Variants in EBF3 observed in about 807,000 individuals in gnomAD.
The protein encoded by EBF3 is transcription factor COE3.
A neutral mutation model predicts 77.1 loss-of-function variants in EBF3; 18 were observed. The observed-to-expected ratio is 0.23, with a 90% CI of 0.16 to 0.35. The LOEUF (loss-of-function observed/expected upper bound fraction) is 0.35, where lower values mean the gene tolerates loss of function less well. EBF3 is among the 10% of genes least tolerant of loss of function. EBF3 has a pLI of 1.00. For missense variants in EBF3, 558 were observed against 860.0 expected, an observed-to-expected ratio of 0.65 and a Z score of 4.39; for synonymous variants, 350 against 343.5, an observed-to-expected ratio of 1.02 and a Z score of -0.21.
rs1206012515 is a variant in EBF3, at chr10:129,885,554, GTTC to G, written c.555-7708_555-7706del. Among the ~76,000 whole-genome samples, 2 of 152,122 alleles carry G rather than the reference GTTC, an allele frequency of 1.3e-5. 1 individual carries two copies. The highest frequency in any genetic ancestry group is 3.9e-4 in the East Asian group (2 of 5,186). On this transcript the variant is annotated intron_variant, in intron 6 of 16. Transcript: ENST00000440978. The surrounding 1 kb of genome is among the most constrained non-coding windows in gnomAD (Gnocchi z 4.0). ...TGAAGTGCACTATATTTACACTAGG[GTTC>G]TTGTTTCAAGTGCCTATCTTTCTTT... is the stretch of plus-strand genomic sequence containing the variant.
Position 129,963,218 on chromosome 10 carries a change from C to A in EBF3, c.291+149G>T. 8.2e-7 allele frequency: 1 copy of A among 1,225,258 alleles called. No individual in the cohort carries two copies. The highest frequency in any genetic ancestry group is 1.1e-6 in the Non-Finnish European group (1 of 927,858). 75.9% of individuals were successfully genotyped at this position (1,225,258 alleles called of 1,614,324 possible). A position where few individuals can be genotyped will look rare whatever the true frequency, so the allele number is the denominator to read the frequency against. The stretch of plus-strand genomic sequence containing the variant: ...CGCAGAGAAGTTGCCCAGCCCTCGG[C>A]GGTCCCGGGCGGCCGCACGTGGCGG... On this transcript the variant is annotated intron_variant, in intron 2 of 16. Coordinates refer to ENST00000440978, the MANE Select transcript of EBF3 (RefSeq NM_001375380.1). The surrounding 1 kb of genome is among the most constrained non-coding windows in gnomAD (Gnocchi z 7.1).
rs539206999 is a variant in EBF3 at position 129,855,018 on chromosome 10, T to A, written c.1040-6538A>T. The stretch of plus-strand genomic sequence containing the variant: ...GTGGCTTTTCTAGCATCCTGGCCGC[T>A]CCCGTCCGTGGAGCTCCCCAGTGCC... On this transcript the variant is annotated intron_variant, in intron 10 of 16. Coordinates refer to ENST00000440978, the MANE Select transcript of EBF3 (RefSeq NM_001375380.1). Among the ~76,000 whole-genome samples the A allele has an allele frequency of 5.9e-5, 9 of 152,252 alleles. No individual in the cohort carries two copies. The East Asian group carries it at 1.7e-3, about 29-fold the overall frequency.
intron 6 of EBF3, among the ~76,000 whole-genome samples, chr10:129,955,611 T>A (rs1222944859): frequency 2.0e-5 from 3 of 152,076 alleles, no homozygotes; most frequent in Non-Finnish European, 4.4e-5. Context: ...GAACACTGAG[T>A]ATTAAAAGTT....
Position 129,836,131 on chromosome 10 carries a change from T to C in EBF3, c.*1812A>G, listed in dbSNP as rs1219225419. ...CGGGCTTGTGCTTTTTTGTGTGTGT[T>C]TGTGTGTTTTACACCATACATCTCC... On this transcript the variant is annotated 3_prime_UTR_variant, in exon 17 of 17. Transcript: ENST00000440978. 1 of 152,628 alleles carries C rather than the reference T, an allele frequency of 6.6e-6. No homozygotes were observed. Among genetic ancestry groups the C allele is most frequent in the South Asian group, 2.1e-4 (1 of 4,818 alleles). The allele number at this position is 152,628 out of a possible 1,614,324, so 9.5% of individuals were successfully genotyped here.
At chr10:129,930,102 C>T (rs1856905979) in intron 6 of EBF3, among the ~76,000 whole-genome samples, 1 of 152,174 alleles carries the variant, frequency 6.6e-6, no homozygotes, top group Non-Finnish European at 1.5e-5. Context: ...AGGCTCCAGG[C>T]CTTTGCACTC....
intron 7 of EBF3, among the ~76,000 whole-genome samples, chr10:129,877,439 C>T (rs997300926): frequency 6.9e-6 from 1 of 144,204 alleles, no homozygotes; most frequent in Non-Finnish European, 1.5e-5. Flanking sequence ...CAAGATCGCA[C>T]CACTGCACTC....
At chr10:129,857,400 C>G (rs1333399526) in intron 10 of EBF3, among the ~76,000 whole-genome samples, 1 of 152,140 alleles carries the variant, frequency 6.6e-6, no homozygotes. Context: ...GGCCTCCCCC[C>G]TCACAGCCCC....
intron 6 of EBF3, among the ~76,000 whole-genome samples, chr10:129,904,514 C>T (rs1043873879): frequency 6.6e-6 from 1 of 151,126 alleles, no homozygotes; most frequent in Admixed American, 6.6e-5. Flanking sequence ...AATGGATAGA[C>T]AAGTGCACAT....
chr10:129,917,871 C>A (rs1312230429), intron 6 of EBF3, among the ~76,000 whole-genome samples: 1 of 152,090 alleles, frequency 6.6e-6, no homozygotes, highest in East Asian at 1.9e-4. Flanking sequence ...GGTAAGGAAG[C>A]TACTAACAGT....
At chr10:129,882,137 T>A (rs1191524120) in intron 6 of EBF3, among the ~76,000 whole-genome samples, 1 of 152,280 alleles carries the variant, frequency 6.6e-6, no homozygotes, top group African/African-American at 2.4e-5. Context: ...TATGAATTAG[T>A]TCATTTATAT....
At chr10:129,876,329 G>T (rs759598015) in intron 7 of EBF3, among the ~76,000 whole-genome samples, 1 of 152,164 alleles carries the variant, frequency 6.6e-6, no homozygotes, top group Admixed American at 6.5e-5. Context: ...TGTAACTGAC[G>T]CTGTGTTCAG....
intron 12 of EBF3, 23 bp downstream of exon 12, chr10:129,843,114 G>A (rs764664435): frequency 9.9e-6 from 16 of 1,609,166 alleles, no homozygotes; most frequent in East Asian, 2.2e-5. Flanking sequence ...GAGGATGGGC[G>A]AGGGGAGCCG....
chr10:129,899,371 G>C (rs569071654), intron 6 of EBF3, among the ~76,000 whole-genome samples: 2 of 152,318 alleles, frequency 1.3e-5, no homozygotes, highest in East Asian at 3.9e-4. Context: ...GTCGGATGGT[G>C]AGGAACATAA....
chr10:129,887,058 G>GA (rs1554907250), intron 6 of EBF3, among the ~76,000 whole-genome samples: 1 of 100,322 alleles, frequency 1.0e-5, no homozygotes, highest in African/African-American at 3.8e-5. Flanking sequence ...TGTGGGCGGG[G>GA]GGGGGGGGGA....
intron 4 of EBF3, among the ~76,000 whole-genome samples, chr10:129,959,589 G>A (rs1589964384): frequency 6.6e-6 from 1 of 151,174 alleles, no homozygotes; most frequent in East Asian, 2.0e-4. Context: ...CTGGCGCCCC[G>A]CGGCTTCCCG....
At chr10:129,850,599 T>C (rs909955932) in intron 10 of EBF3, among the ~76,000 whole-genome samples, 4 of 152,182 alleles carry the variant, frequency 2.6e-5, no homozygotes, top group African/African-American at 9.6e-5. Context: ...ATTCCAGCTC[T>C]AAATCCCTTC....
chr10:129,962,244 C>G lies in EBF3; in HGVS notation c.356-18G>C. On this transcript the variant is annotated intron_variant, in intron 3 of 16. Coordinates refer to ENST00000440978, the MANE Select transcript of EBF3 (RefSeq NM_001375380.1). ...TCTGACTCCTGCAAAAAAACAGAGACAAATTCTCATCAGGATTTGAGTGCT... is the reference window on the plus strand; with the variant it reads ...TCTGACTCCTGCAAAAAAACAGAGAGAAATTCTCATCAGGATTTGAGTGCT... The G allele has an allele frequency of 6.2e-7, 1 of 1,613,892 alleles. No homozygotes were observed. The highest frequency in any genetic ancestry group is 8.5e-7 in the Non-Finnish European group (1 of 1,179,898).
rs1477606931 is a variant in EBF3 at position 129,944,417 on chromosome 10, A to C, written c.554+12841T>G. On this transcript the variant is annotated intron_variant, in intron 6 of 16. Coordinates refer to ENST00000440978, the MANE Select transcript of EBF3 (RefSeq NM_001375380.1). The surrounding 1 kb of genome is among the most constrained non-coding windows in gnomAD (Gnocchi z 5.1). Reference sequence around the variant, plus strand: ...TCAATACCGCTGGGCTGCAGATGAGATCTGATTTCAATTGGTGAGCAAACC... The same window carrying C: ...TCAATACCGCTGGGCTGCAGATGAGCTCTGATTTCAATTGGTGAGCAAACC... Among the ~76,000 whole-genome samples, 1 of 152,194 alleles carries C rather than the reference A, an allele frequency of 6.6e-6. No individual in the cohort carries two copies. Among genetic ancestry groups the C allele is most frequent in the East Asian group, 1.9e-4 (1 of 5,200 alleles).
At chr10:129,929,613 C>G (rs1225500094) in intron 6 of EBF3, among the ~76,000 whole-genome samples, 1 of 152,178 alleles carries the variant, frequency 6.6e-6, no homozygotes, top group South Asian at 2.1e-4. Flanking sequence ...ATCAGTAATG[C>G]GTCTGGATGG....
Sources: allele counts gnomAD v4.1 joint callset (sites outside exome capture counted in the v4.1 genomes callset), GRCh38; gene constraint gnomAD v4.1.1; non-coding constraint Gnocchi (gnomAD v3.1); transcripts MANE v1.5; gene names NCBI Gene and HGNC (gene_info 2026-07-23, HGNC 2026-07-21).